The following CPXM2 variants were observed in gnomAD, a reference collection of about 807,000 sequenced individuals.
CPXM2 encodes the protein carboxypeptidase X, M14 family member 2.
In CPXM2, 66 loss-of-function variants were observed where a neutral mutation model predicts 86.1. The observed-to-expected ratio is 0.77, with a 90% CI of 0.63 to 0.94. CPXM2 has a LOEUF of 0.94. Among genes scored for constraint, CPXM2 ranks in the 40% least tolerant of loss-of-function variants. The pLI is 0.00. For missense variants in CPXM2, 948 were observed against 1,026.3 expected (o/e 0.92, Z 1.04); for synonymous variants, 388 against 400.2 (o/e 0.97, Z 0.36).
chr10:123,863,003 T>C (rs1002655579), intron 2 of CPXM2, among the ~76,000 whole-genome samples: 1 of 152,230 alleles, frequency 6.6e-6, no homozygotes, highest in African/African-American at 2.4e-5. Context: ...TTCCCCAACA[T>C]GACTCAGTCA....
intron 3 of CPXM2, among the ~76,000 whole-genome samples, chr10:123,856,754 G>A (rs1247689167): frequency 6.6e-6 from 1 of 152,106 alleles, no homozygotes; most frequent in Non-Finnish European, 1.5e-5. Context: ...ACCACGCCCG[G>A]CTAATTTTTG....
rs1184917723 is a variant in CPXM2 at position 123,904,912 on chromosome 10, A to ATCTGCATCCTGTGACCTCCCCTCCCCC, written n.175-24604_175-24603insGGGGGAGGGGAGGTCACAGGATGCAGA. ...ACCTGGAGGGCCCGAGCTCTGCATC[A>ATCTGCATCCTGTGACCTCCCCTCCCCC]CACCTGCATCCTAGTGAGGGATCAG... is the stretch of plus-strand genomic sequence containing the variant. On this transcript the variant is annotated intron_variant and non_coding_transcript_variant, in intron 2 of 19. Transcript: ENST00000368854. 2.3e-5 allele frequency among the ~76,000 whole-genome samples: 3 copies of ATCTGCATCCTGTGACCTCCCCTCCCCC among 131,658 alleles called. 1 individual carries two copies. Among genetic ancestry groups the ATCTGCATCCTGTGACCTCCCCTCCCCC allele is most frequent in the Admixed American group, 1.6e-4 (2 of 12,164 alleles). The allele number at this position is 131,658 out of a possible 152,430, so 86.4% of individuals were successfully genotyped here. A position where few individuals can be genotyped will look rare whatever the true frequency, so the allele number is the denominator to read the frequency against.
intron 2 of CPXM2, among the ~76,000 whole-genome samples, chr10:123,901,429 T>TGTGTGTG (rs1945379896): frequency 2.2e-5 from 3 of 138,956 alleles, no homozygotes; most frequent in Non-Finnish European, 3.1e-5. Flanking sequence ...CCAAGCAAGT[T>TGTGTGTG]TGTGTGTGTG....
At chr10:123,841,860 C>T (rs1848394269) in intron 4 of CPXM2, among the ~76,000 whole-genome samples, 1 of 152,302 alleles carries the variant, frequency 6.6e-6, no homozygotes, top group South Asian at 2.1e-4. Context: ...CATTCTCAGG[C>T]CTCAAGCTCT....
chr10:123,803,964 G>C (rs60604705), intron 4 of CPXM2, among the ~76,000 whole-genome samples: 13,978 of 152,132 alleles, frequency 0.092, 724 homozygotes, highest in African/African-American at 0.15. Flanking sequence ...CCCAGCCCAA[G>C]ATACATGGTT....
rs1475101210 is a variant in CPXM2, at chr10:123,745,958, A to C, written c.*806T>G. 6.6e-6 allele frequency: 1 copy of C among 152,058 alleles called. No homozygotes were observed. Among genetic ancestry groups the C allele is most frequent in the Non-Finnish European group, 1.5e-5 (1 of 68,058 alleles). The allele number at this position is 152,058 out of a possible 1,614,324, so 9.4% of individuals were successfully genotyped here. The stretch of plus-strand genomic sequence containing the variant: ...CTGGCTCTTTCCAGTCCTAGCAGGT[A>C]AAAGAGGAGATCCAGGCTAAATTTT... On this transcript the variant is annotated 3_prime_UTR_variant, in exon 14 of 14. Transcript: ENST00000241305.
chr10:123,863,544 A>G (rs1487999752), intron 2 of CPXM2, among the ~76,000 whole-genome samples: 3 of 152,178 alleles, frequency 2.0e-5, no homozygotes, highest in Admixed American at 6.5e-5. Context: ...CCTGAAGGAC[A>G]TGAATCTGAC....
Position 123,907,323 on chromosome 10 carries a change from A to T in CPXM2, n.175-27014T>A, listed in dbSNP as rs538640932. Among the ~76,000 whole-genome samples, 28 of 152,368 alleles carry T rather than the reference A, an allele frequency of 1.8e-4. 1 individual carries two copies. The South Asian group carries it at 5.4e-3, about 29-fold the overall frequency. On this transcript the variant is annotated intron_variant and non_coding_transcript_variant, in intron 2 of 19. Transcript: ENST00000368854. ...AAACCACACAGCTTTCTGTAATTAG[A>T]AGAGAGACTATTATTCAAGTCAGAT...
intron 3 of CPXM2, among the ~76,000 whole-genome samples, chr10:123,854,276 C>A (rs182716841): frequency 1.7e-4 from 25 of 147,082 alleles, no homozygotes; most frequent in Non-Finnish European, 1.5e-5. Context: ...GAAACTCAAG[C>A]CAGTGGTCAG....
intron 3 of CPXM2, 70 bp downstream of exon 3, chr10:123,862,544 T>C: frequency 7.3e-7 from 1 of 1,367,746 alleles, no homozygotes; most frequent in Non-Finnish European, 1.0e-6. Flanking sequence ...GCGCATTGCC[T>C]GATCCAAGCT....
At chr10:123,876,251 A>C (rs1047671679) in intron 2 of CPXM2, among the ~76,000 whole-genome samples, 1 of 152,192 alleles carries the variant, frequency 6.6e-6, no homozygotes, top group African/African-American at 2.4e-5. Context: ...GTTCACCATG[A>C]TGCTGGCTCT....
At chr10:123,789,188 C>T (rs890718531) in intron 6 of CPXM2, among the ~76,000 whole-genome samples, 2 of 152,180 alleles carry the variant, frequency 1.3e-5, no homozygotes, top group African/African-American at 2.4e-5. Flanking sequence ...AGCAAGGCCA[C>T]GAGAGACCCA....
chr10:123,830,306 G>A (rs1848137537), intron 4 of CPXM2, among the ~76,000 whole-genome samples: 1 of 152,184 alleles, frequency 6.6e-6, no homozygotes, highest in Non-Finnish European at 1.5e-5. Context: ...CCTCAATCAT[G>A]CAGGTCTACC....
chr10:123,762,532 A>G (rs1044074025), intron 10 of CPXM2, among the ~76,000 whole-genome samples: 9 of 152,168 alleles, frequency 5.9e-5, no homozygotes, highest in Non-Finnish European at 1.3e-4. Flanking sequence ...ACCTACTGAA[A>G]TCTTTACAAA....
chr10:123,824,423 C>T (rs1848001829), intron 4 of CPXM2, among the ~76,000 whole-genome samples: 1 of 152,164 alleles, frequency 6.6e-6, no homozygotes, highest in Admixed American at 6.5e-5. Flanking sequence ...ATTCCTTCAA[C>T]CTGGATTGAA....
intron 7 of CPXM2, among the ~76,000 whole-genome samples, chr10:123,772,505 C>T (rs1202260212): frequency 6.6e-6 from 1 of 151,858 alleles, no homozygotes; most frequent in Non-Finnish European, 1.5e-5. Context: ...TATCACTCCC[C>T]TGGGTGTAGT....
At chr10:123,859,904 G>A (rs1287967443) in intron 3 of CPXM2, among the ~76,000 whole-genome samples, 2 of 152,126 alleles carry the variant, frequency 1.3e-5, no homozygotes, top group South Asian at 2.1e-4. Context: ...CCTGCTGGAC[G>A]CCCCATCTAC....
At chr10:123,802,348 G>A (rs900747143) in intron 4 of CPXM2, among the ~76,000 whole-genome samples, 6 of 152,064 alleles carry the variant, frequency 3.9e-5, no homozygotes, top group South Asian at 2.1e-4. Context: ...CCTTTCTACC[G>A]CCTTTGAACC....
At chr10:123,855,049 C>G (rs899313491) in intron 3 of CPXM2, among the ~76,000 whole-genome samples, 1 of 151,444 alleles carries the variant, frequency 6.6e-6, no homozygotes, top group African/African-American at 2.4e-5. Flanking sequence ...GAAATAAGAA[C>G]AGCATATTAC....
Sources: gnomAD v4.1 joint callset for allele counts (sites outside exome capture counted in the v4.1 genomes callset) on GRCh38, gnomAD v4.1.1 for gene constraint, MANE v1.5 for transcripts, NCBI Gene and HGNC (gene_info 2026-07-23, HGNC 2026-07-21) for gene names.